Variants in HSPD1 observed in about 807,000 individuals in gnomAD.
HSPD1 encodes 60 kDa heat shock protein, mitochondrial.
In HSPD1, 3 loss-of-function variants were observed where a neutral mutation model predicts 53.0. The observed-to-expected ratio is 0.06, with a 90% CI of 0.03 to 0.15. The LOEUF (loss-of-function observed/expected upper bound fraction) is 0.15, where lower values mean the gene tolerates loss of function less well. Ranked by LOEUF, HSPD1 falls within the 10% of genes least tolerant of loss-of-function variation. HSPD1 has a pLI of 1.00. For synonymous variants in HSPD1, 200 were observed against 228.0 expected (o/e 0.88, Z 1.10); for missense variants, 431 against 694.1 (o/e 0.62, Z 4.26).
intron 1 of HSPD1, 196 bp downstream of exon 1, chr2:197,499,586 G>C (rs191128662): frequency 6.6e-6 from 1 of 152,444 alleles, no homozygotes; most frequent in Non-Finnish European, 1.5e-5. Flanking sequence ...CCCAGCCGAG[G>C]TCCAGGATCC....
chr2:197,489,538 A>G (rs1030268158), intron 8 of HSPD1, among the ~76,000 whole-genome samples: 1 of 152,180 alleles, frequency 6.6e-6, no homozygotes, highest in African/African-American at 2.4e-5. Flanking sequence ...CTTGACTCTC[A>G]AGTCCTACAT....
rs761534155 is a variant in HSPD1, at chr2:197,489,195, T to G, written c.1022A>C (p.Asp341Ala). ...TLNLEDVQPH[D>A]LGKVGEVIVT... The stretch of plus-strand genomic sequence containing the variant: ...AATGACCTCTCCAACTTTTCCTAAG[T>G]CATGAGGCTGAACGTCTTCAAGATT... The change falls in exon 9 of 12, where the codon GAC becomes GCC. Residue 341 changes from aspartate (D) to alanine (A), a missense_variant. Asp to Ala is a moderately radical substitution (Grantham distance 126, BLOSUM62 -2). Coordinates refer to ENST00000388968, the MANE Select transcript of HSPD1 (RefSeq NM_002156.5). 3 of 1,614,010 alleles carry G rather than the reference T, an allele frequency of 1.9e-6. No homozygotes were observed. In the African/African-American group the frequency reaches 4.0e-5, roughly 22 times the overall value.
intron 7 of HSPD1, among the ~76,000 whole-genome samples, chr2:197,492,481 T>A (rs921986108): frequency 6.6e-6 from 1 of 152,128 alleles, no homozygotes; most frequent in Non-Finnish European, 1.5e-5. Context: ...TGAGCCACCA[T>A]GCCTGGCTCT....
rs1244800671 is a variant in HSPD1 at position 197,488,101 on chromosome 2, T to C, written c.1391-65A>G. On this transcript the variant is annotated intron_variant, in intron 10 of 11. Transcript: ENST00000388968. Reference sequence around the variant, plus strand: ...GTAAATATTGTAACACATTTATAAGTTGTGAGGATATTGATGTAGGGAAAT... The same window carrying C: ...GTAAATATTGTAACACATTTATAAGCTGTGAGGATATTGATGTAGGGAAAT... The C allele has an allele frequency of 3.2e-6, 4 of 1,246,092 alleles. No individual in the cohort carries two copies. The African/African-American group carries it at 4.5e-5, about 14-fold the overall frequency. 77.2% of individuals were successfully genotyped at this position (1,246,092 alleles called of 1,614,324 possible). A position where few individuals can be genotyped will look rare whatever the true frequency, so the allele number is the denominator to read the frequency against.
In HSPD1 at chr2:197,488,031, C is replaced by T. The variant is rs2086047558; in HGVS notation, c.1396G>A (p.Glu466Lys). 1 of 1,597,884 alleles carries T rather than the reference C, an allele frequency of 6.3e-7. No homozygotes were observed. Among genetic ancestry groups the T allele is most frequent in the Non-Finnish European group, 8.6e-7 (1 of 1,168,352 alleles). The change falls in exon 11 of 12, where the codon GAA becomes AAA. Residue 466 changes from glutamate to lysine, a missense_variant. Physicochemically the swap from Glu to Lys is moderately conservative, Grantham distance 56. Around this residue, in one of 2 missense-constraint regions of HSPD1, gnomAD observed 386 missense variants for 657.6 expected, o/e 0.59. Coordinates refer to ENST00000388968, the MANE Select transcript of HSPD1 (RefSeq NM_002156.5). ...PANEDQKIGI[E>K]IIKRTLKIPA... Reference sequence around the variant, plus strand: ...ATTTTGAGTGTTCTTTTAATAATTTCTATACCTACAGAGAAATTTCAGCAA... The same window carrying T: ...ATTTTGAGTGTTCTTTTAATAATTTTTATACCTACAGAGAAATTTCAGCAA...
intron 1 of HSPD1, chr2:197,499,088 G>C: frequency 5.2e-6 from 3 of 578,210 alleles, no homozygotes; most frequent in Non-Finnish European, 9.3e-6. Flanking sequence ...AGCACATGCG[G>C]CTCCTTCCCC....
rs10210529 is a variant in HSPD1, at chr2:197,494,983, A to C, written c.511-231T>G. Reference sequence around the variant, plus strand: ...ACATAAAACTATTCTTGTAACAAAAAGTTTAAAAATGCTGACTTCATTACA... The same window carrying C: ...ACATAAAACTATTCTTGTAACAAAACGTTTAAAAATGCTGACTTCATTACA... On this transcript the variant is annotated intron_variant, in intron 4 of 11. Transcript: ENST00000388968. 5.6e-3 allele frequency: 3,374 copies of C among 598,850 alleles called. 83 individuals carry two copies. Among genetic ancestry groups the C allele is most frequent in the African/African-American group, 0.055 (2,940 of 53,916 alleles). The allele number at this position is 598,850 out of a possible 1,614,324, so 37.1% of individuals were successfully genotyped here. A position where few individuals can be genotyped will look rare whatever the true frequency, so the allele number is the denominator to read the frequency against.
rs184847936 is a variant in HSPD1, at chr2:197,491,129, A to G, written c.870-833T>C. Among the ~76,000 whole-genome samples the G allele has an allele frequency of 2.6e-5, 4 of 152,188 alleles. No individual in the cohort carries two copies. In the East Asian group the frequency reaches 7.7e-4, roughly 29 times the overall value. On this transcript the variant is annotated intron_variant, in intron 7 of 11. Transcript: ENST00000388968. ...TATCCCACTTTTCAACTAGCAGTAA[A>G]ATGGCTTAATGAAAACTCTGTAGGC... is the stretch of plus-strand genomic sequence containing the variant.
rs1415806568 is a variant in HSPD1, at chr2:197,497,225, G to A, written c.342C>T (p.Thr114=). The change falls in exon 3 of 12, where the codon ACC becomes ACT. Residue 114 remains threonine (T), a synonymous_variant. Coordinates refer to ENST00000388968, the MANE Select transcript of HSPD1 (RefSeq NM_002156.5). ...NTNEEAGDGT[T]TATVLARSIA... is the part of the protein sequence containing the mutation. ...TAGAGCGTGCCAGTACAGTAGCAGT[G>A]GTAGTGCCATCCCCAGCTTCTTCAT... 1.2e-6 allele frequency: 2 copies of A among 1,613,686 alleles called. No homozygotes were observed. The highest frequency in any genetic ancestry group is 1.1e-5 in the South Asian group (1 of 91,080).
intron 8 of HSPD1, 99 bp downstream of exon 8, chr2:197,490,096 AAC>A: frequency 1.1e-6 from 1 of 921,414 alleles, no homozygotes; most frequent in South Asian, 1.3e-5. Context: ...AGCCAAAAGA[AAC>A]AGATAGTTGT....
chr2:197,500,182 C>T (rs2106083746), upstream of HSPD1: 6 of 580,132 alleles, frequency 1.0e-5, no homozygotes, highest in East Asian at 5.7e-5. Context: ...CCTAGAAAAG[C>T]CTAGAAACAG....
intron 7 of HSPD1, among the ~76,000 whole-genome samples, chr2:197,492,522 C>T (rs565893005): frequency 3.9e-5 from 6 of 152,080 alleles, no homozygotes; most frequent in South Asian, 2.1e-4. Flanking sequence ...GTTTACTTCC[C>T]TGTTCTATGC....
At position 197,488,982 on chromosome 2, in the gene HSPD1, T is replaced by C. The variant is rs1313019456; in HGVS notation, c.1215+20A>G. 5 of 1,613,674 alleles carry C rather than the reference T, an allele frequency of 3.1e-6. No individual in the cohort carries two copies. The highest frequency in any genetic ancestry group is 2.2e-5 in the East Asian group (1 of 44,896). On this transcript the variant is annotated intron_variant, in intron 9 of 11. Coordinates refer to ENST00000388968, the MANE Select transcript of HSPD1 (RefSeq NM_002156.5). The stretch of plus-strand genomic sequence containing the variant: ...TTGGACTCAGAACCCAAGAAACTTA[T>C]TCATAATAATGAATGTTACCTTCAG...
At chr2:197,498,096 TG>T (rs2086181372) in intron 2 of HSPD1, among the ~76,000 whole-genome samples, 3 of 152,178 alleles carry the variant, frequency 2.0e-5, no homozygotes, top group Admixed American at 2.0e-4. Flanking sequence ...ACTAGCATCT[TG>T]GGGTGGAGGA....
rs11551349 is a variant in HSPD1 at position 197,498,822 on chromosome 2, G to A, written c.27C>T (p.Arg9=). ...GTACCCTGGACACCGGTCTCATCTGGCGAAAGACTGTGGGTAACCGAAGCA... is the reference window on the plus strand; with the variant it reads ...GTACCCTGGACACCGGTCTCATCTGACGAAAGACTGTGGGTAACCGAAGCA... MLRLPTVF[R]QMRPVSRVLA... The change falls in exon 2 of 12, where the codon CGC becomes CGT. Residue 9 remains arginine (R), a synonymous_variant. Transcript: ENST00000388968. 6.2e-6 allele frequency: 10 copies of A among 1,614,178 alleles called. No homozygotes were observed. Among genetic ancestry groups the A allele is most frequent in the Non-Finnish European group, 8.5e-6 (10 of 1,180,036 alleles).
chr2:197,487,752 T>C (rs762485746), intron 11 of HSPD1, 106 bp downstream of exon 11: 34 of 864,674 alleles, frequency 3.9e-5, no homozygotes, highest in Non-Finnish European at 6.4e-5. Flanking sequence ...CTGTTGCTAC[T>C]GCTATTAGAC....
intron 6 of HSPD1, 126 bp from the exon 7 acceptor site, chr2:197,493,618 C>T: frequency 2.8e-6 from 2 of 712,354 alleles, no homozygotes; most frequent in Non-Finnish European, 5.0e-6. Flanking sequence ...TCCTTCATTT[C>T]TCATATGCAT....
intron 1 of HSPD1, 102 bp downstream of exon 1, chr2:197,499,680 C>T (rs2086217499): frequency 6.6e-6 from 1 of 152,108 alleles, no homozygotes; most frequent in African/African-American, 2.4e-5. Context: ...GTGCGGAACT[C>T]CAGGTTGTCG....
In HSPD1 at chr2:197,487,825, A is replaced by C. The variant is rs778302342; in HGVS notation, c.1569+33T>G. ...AGGATACATTAACAAAATGAACAAC[A>C]AAAGAATTTTTAGAAAGTGTTCAAC... On this transcript the variant is annotated intron_variant, in intron 11 of 11. Coordinates refer to ENST00000388968, the MANE Select transcript of HSPD1 (RefSeq NM_002156.5). 22 of 1,585,192 alleles carry C rather than the reference A, an allele frequency of 1.4e-5. No homozygotes were observed. In the South Asian group the frequency reaches 2.4e-4, roughly 18 times the overall value.
Sources: gnomAD v4.1 joint callset for allele counts (sites outside exome capture counted in the v4.1 genomes callset) on GRCh38, gnomAD v4.1.1 for gene constraint, gnomAD v4.1.1 regional missense constraint, MANE v1.5 for transcripts, NCBI Gene and HGNC (gene_info 2026-07-23, HGNC 2026-07-21) for gene names.